The following ARHGAP32 variants were observed in gnomAD, a reference collection of about 807,000 sequenced individuals.
The protein encoded by ARHGAP32 is Rho GTPase activating protein 32, also known as rho GTPase-activating protein 32.
ARHGAP32 carries 51 observed loss-of-function variants against 186.5 expected under a neutral mutation model. The observed-to-expected ratio is 0.27, with a 90% CI of 0.22 to 0.35. The LOEUF is 0.35. ARHGAP32 is among the 10% of genes least tolerant of loss of function. ARHGAP32 has a pLI of 1.00. For missense variants in ARHGAP32, 2,186 were observed against 2,623.5 expected (o/e 0.83, Z 3.64); for synonymous variants, 950 against 964.3 (o/e 0.99, Z 0.27).
intron 1 of ARHGAP32, among the ~76,000 whole-genome samples, chr11:129,247,040 T>C (rs536673779): frequency 4.6e-5 from 7 of 152,284 alleles, no homozygotes; most frequent in South Asian, 4.1e-4. Context: ...CCACGCTCTA[T>C]AGTAAATACA....
chr11:129,240,573 ATT>A (rs1348130507), intron 1 of ARHGAP32, among the ~76,000 whole-genome samples: 8 of 152,152 alleles, frequency 5.3e-5, no homozygotes, highest in African/African-American at 1.9e-4. Flanking sequence ...TTTTAGTTGA[ATT>A]ACTCTTGCGG....
chr11:129,232,900 C>T lies in ARHGAP32; in HGVS notation c.-5+46246G>A, dbSNP rs529570038. Among the ~76,000 whole-genome samples the T allele has an allele frequency of 1.3e-4, 20 of 152,234 alleles. 1 individual carries two copies. In the South Asian group the frequency reaches 3.7e-3, roughly 28 times the overall value. On this transcript the variant is annotated intron_variant, in intron 1 of 6. Coordinates refer to the ARHGAP32 transcript ENST00000525234. ...CTGAGAAAACTTCTCTTTTACTTCC[C>T]TCTCTCTTCCACAAGGGTCAGGCCT...
chr11:129,250,410 C>T (rs1045278662), intron 1 of ARHGAP32, among the ~76,000 whole-genome samples: 4 of 152,092 alleles, frequency 2.6e-5, no homozygotes, highest in Admixed American at 6.5e-5. Flanking sequence ...GAATTACTAC[C>T]GCAAAACTTA....
At chr11:129,252,685 A>G (rs977146589) in intron 1 of ARHGAP32, among the ~76,000 whole-genome samples, 3 of 152,214 alleles carry the variant, frequency 2.0e-5, no homozygotes, top group Non-Finnish European at 4.4e-5. Flanking sequence ...ATATACTGCC[A>G]TAAAGTACTA....
intron 1 of ARHGAP32, among the ~76,000 whole-genome samples, chr11:129,178,842 A>G (rs1262304997): frequency 6.6e-6 from 1 of 151,524 alleles, no homozygotes; most frequent in East Asian, 1.9e-4. Flanking sequence ...TAAAAACCCT[A>G]GAAGAAAACC....
rs770926989 is a variant in ARHGAP32, at chr11:128,973,223, C to T, written c.3283G>A (p.Glu1095Lys). ...GAGTAAGAACTGGACAGATTATCTT[C>T]AGTTGTAGCCACCGCTATGTCTCCA... ...NYGDIAVATT[E>K]DNLSSSYSAV... Residue 1095 changes from glutamate (E) to lysine (K), a missense_variant, in exon 22 of 23, where the codon GAA (glutamate) becomes AAA (lysine). Physicochemically the swap from Glu to Lys is moderately conservative, Grantham distance 56 (BLOSUM62 1). Transcript: ENST00000682385. The T allele has an allele frequency of 1.2e-6, 2 of 1,614,064 alleles. No homozygotes were observed. The highest frequency in any genetic ancestry group is 1.7e-6 in the Non-Finnish European group (2 of 1,180,040).
chr11:129,015,493 T>C (rs528382640), intron 11 of ARHGAP32, among the ~76,000 whole-genome samples: 4 of 152,310 alleles, frequency 2.6e-5, no homozygotes, highest in African/African-American at 7.2e-5. Flanking sequence ...CAGATTATTT[T>C]CCCTTAAGTA....
At chr11:129,132,425 C>T (rs1466818973) in intron 2 of ARHGAP32, among the ~76,000 whole-genome samples, 4 of 151,718 alleles carry the variant, frequency 2.6e-5, no homozygotes, top group South Asian at 2.1e-4. Flanking sequence ...CTGCAGAAAG[C>T]CATGATTATG....
rs58982581 is a variant in ARHGAP32, at chr11:128,977,851, T to TTTATTATTA, written c.2122+910_2122+918dup. 6.0e-3 allele frequency among the ~76,000 whole-genome samples: 837 copies of TTTATTATTA among 138,952 alleles called. 6 individuals carry two copies. The highest frequency in any genetic ancestry group is 7.5e-3 in the East Asian group (36 of 4,770). The allele number at this position is 138,952 out of a possible 152,430, so 91.2% of individuals were successfully genotyped here. The stretch of plus-strand genomic sequence containing the variant: ...GCCACCAAGCCTCGCTTATTTGCAA[T>TTTATTATTA]TTATTATTATTATTATTATTATTAT... On this transcript the variant is annotated intron_variant, in intron 19 of 22. Transcript: ENST00000682385.
At chr11:129,269,092 G>A (rs1162768705) in intron 1 of ARHGAP32, among the ~76,000 whole-genome samples, 1 of 151,988 alleles carries the variant, frequency 6.6e-6, no homozygotes, top group Non-Finnish European at 1.5e-5. Context: ...GCAACACGGT[G>A]AAACCCCATC....
At chr11:128,973,982 A>T in intron 21 of ARHGAP32, 142 bp downstream of exon 21, 1 of 994,318 alleles carries the variant, frequency 1.0e-6, no homozygotes, top group Non-Finnish European at 1.5e-6. Flanking sequence ...TAGGGCTCTG[A>T]GCCATCAGCA....
chr11:129,171,826 T>A (rs978746325), intron 1 of ARHGAP32, among the ~76,000 whole-genome samples: 9 of 152,212 alleles, frequency 5.9e-5, no homozygotes, highest in Non-Finnish European at 1.0e-4. Flanking sequence ...TCTATTTGTT[T>A]GTGTCATCTC....
At chr11:129,238,061 G>C (rs1344216901) in intron 1 of ARHGAP32, among the ~76,000 whole-genome samples, 1 of 152,114 alleles carries the variant, frequency 6.6e-6, no homozygotes, top group East Asian at 1.9e-4. Context: ...AGTCACCACA[G>C]TGCCAGCGGT....
chr11:129,011,294 T>G (rs926186528), intron 11 of ARHGAP32, among the ~76,000 whole-genome samples: 4 of 152,198 alleles, frequency 2.6e-5, no homozygotes, highest in African/African-American at 9.7e-5. Context: ...ATGTGCCCAC[T>G]GTCACATAAC....
chr11:129,220,398 G>A (rs1232077777), intron 1 of ARHGAP32, among the ~76,000 whole-genome samples: 1 of 152,144 alleles, frequency 6.6e-6, no homozygotes, highest in Non-Finnish European at 1.5e-5. Context: ...TGGAAGCAAG[G>A]GGGAATGGAA....
At chr11:129,158,034 T>C (rs888648669) in intron 2 of ARHGAP32, among the ~76,000 whole-genome samples, 2 of 152,144 alleles carry the variant, frequency 1.3e-5, no homozygotes, top group South Asian at 2.1e-4. Flanking sequence ...CTGAGAAATT[T>C]TGTCACCACC....
At chr11:129,185,132 G>T (rs1944132583) in intron 1 of ARHGAP32, among the ~76,000 whole-genome samples, 1 of 152,096 alleles carries the variant, frequency 6.6e-6, no homozygotes, top group South Asian at 2.1e-4. Context: ...AAATCATGCT[G>T]CTATAAAGAC....
At chr11:129,050,678 T>C (rs2135077102) in intron 10 of ARHGAP32, among the ~76,000 whole-genome samples, 1 of 152,378 alleles carries the variant, frequency 6.6e-6, no homozygotes, top group East Asian at 1.9e-4. Flanking sequence ...AGTTCTGGGA[T>C]ACATGTGCAG....
intron 1 of ARHGAP32, among the ~76,000 whole-genome samples, chr11:129,266,647 A>G (rs1000479272): frequency 3.9e-5 from 6 of 152,184 alleles, no homozygotes; most frequent in Non-Finnish European, 8.8e-5. Context: ...AACTCTAGCA[A>G]TAGGACCAAA....
Sources: gnomAD v4.1 joint callset for allele counts (sites outside exome capture counted in the v4.1 genomes callset) on GRCh38, gnomAD v4.1.1 for gene constraint, MANE v1.5 for transcripts, NCBI Gene and HGNC (gene_info 2026-07-23, HGNC 2026-07-21) for gene names.